The following TMPRSS6 variants were observed in gnomAD, a reference collection of about 807,000 sequenced individuals.
TMPRSS6 encodes transmembrane protease serine 6.
A neutral mutation model predicts 101.5 loss-of-function variants in TMPRSS6; 67 were observed. The observed-to-expected ratio is 0.66, with a 90% CI of 0.54 to 0.81. The LOEUF is 0.81. Among genes scored for constraint, TMPRSS6 ranks in the 30% least tolerant of loss-of-function variants. The pLI is 0.00. For missense variants in TMPRSS6, 1,034 were observed against 1,088.7 expected, an observed-to-expected ratio of 0.95 and a Z score of 0.71; for synonymous variants, 453 against 464.9, an observed-to-expected ratio of 0.97 and a Z score of 0.33.
intron 6 of TMPRSS6, among the ~76,000 whole-genome samples, chr22:37,095,342 C>T (rs796936825): frequency 2.5e-4 from 38 of 152,198 alleles, no homozygotes; most frequent in African/African-American, 7.7e-4. Context: ...CACAAATACA[C>T]GCATGCACGT....
chr22:37,089,688 G>A lies in TMPRSS6; in HGVS notation c.726C>T (p.Gly242=), dbSNP rs746470360. Reference sequence around the variant, plus strand: ...GGAGTTTGAGCATGAGGTCCTTGGGGCCCTGCAGGTGCCACAGGCAGCTGG... The same window carrying A: ...GGAGTTTGAGCATGAGGTCCTTGGGACCCTGCAGGTGCCACAGGCAGCTGG... The part of the protein sequence containing the change: ...LASSCLWHLQ[G]PKDLMLKLRL... Residue 242 remains glycine, a synonymous_variant, in exon 7 of 18, where the codon GGC becomes GGT. Coordinates refer to ENST00000676104, the MANE Select transcript of TMPRSS6 (RefSeq NM_001374504.1). 23 of 1,612,096 alleles carry A rather than the reference G, an allele frequency of 1.4e-5. No individual in the cohort carries two copies. Among genetic ancestry groups the A allele is most frequent in the Non-Finnish European group, 1.8e-5 (21 of 1,179,308 alleles).
At position 37,095,483 on chromosome 22, in the gene TMPRSS6, T is replaced by C. The variant is rs1339467445; in HGVS notation, c.631+68A>G. The C allele has an allele frequency of 9.5e-6, 15 of 1,580,536 alleles. No individual in the cohort carries two copies. In the Middle Eastern group the frequency reaches 6.7e-4, roughly 71 times the overall value. On this transcript the variant is annotated intron_variant, in intron 6 of 17. Coordinates refer to ENST00000676104, the MANE Select transcript of TMPRSS6 (RefSeq NM_001374504.1). ...CAACAGAAGCCATGTGTCCCCCTGATACACAACAAAGTCAAGACAAATGCC... is the reference window on the plus strand; with the variant it reads ...CAACAGAAGCCATGTGTCCCCCTGACACACAACAAAGTCAAGACAAATGCC...
intron 4 of TMPRSS6, 106 bp from the exon 5 acceptor site, chr22:37,096,196 T>C: frequency 7.7e-7 from 1 of 1,304,870 alleles, no homozygotes; most frequent in Non-Finnish European, 1.1e-6. Context: ...CAGCCATTGC[T>C]GTCCGTCTTC....
intron 1 of TMPRSS6, among the ~76,000 whole-genome samples, chr22:37,104,791 T>C (rs1217649235): frequency 1.3e-5 from 2 of 151,932 alleles, no homozygotes; most frequent in Non-Finnish European, 2.9e-5. Context: ...TGAAACCCTG[T>C]CACTATGAAA....
intron 6 of TMPRSS6, among the ~76,000 whole-genome samples, chr22:37,090,338 C>T (rs2146128076): frequency 6.6e-6 from 1 of 152,342 alleles, no homozygotes; most frequent in South Asian, 2.1e-4. Context: ...CAAGGCTGGA[C>T]ATGGGCTGGC....
At position 37,103,610 on chromosome 22, in the gene TMPRSS6, G is replaced by C; in HGVS notation, c.-1-192C>G. 1.2e-6 allele frequency: 2 copies of C among 1,602,680 alleles called. No homozygotes were observed. The highest frequency in any genetic ancestry group is 1.7e-4 in the Middle Eastern group (1 of 6,044). Reference sequence around the variant, plus strand: ...AGGGAAGTGCATCTCAGGTCAGCTCGCACCAGAGGGCAGGCACCAGAGCTG... The same window carrying C: ...AGGGAAGTGCATCTCAGGTCAGCTCCCACCAGAGGGCAGGCACCAGAGCTG... On this transcript the variant is annotated intron_variant, in intron 1 of 17. Coordinates refer to ENST00000676104, the MANE Select transcript of TMPRSS6 (RefSeq NM_001374504.1). This position sits in a 1 kb window ranked among gnomAD's most constrained non-coding sequence, Gnocchi z 4.4.
chr22:37,084,064 T>G (rs1440748873), intron 10 of TMPRSS6: 1 of 601,598 alleles, frequency 1.7e-6, no homozygotes, highest in Non-Finnish European at 3.0e-6. Context: ...TGACCAAACG[T>G]GTCTGAGACC....
chr22:37,070,692 G>A (rs1221487658), intron 14 of TMPRSS6, 40 bp from the exon 15 acceptor site: 2 of 1,593,192 alleles, frequency 1.3e-6, no homozygotes, highest in Non-Finnish European at 1.7e-6. Flanking sequence ...CAGAGGAGGA[G>A]GGGAAGGGGA....
At chr22:37,088,605 A>AC (rs927132125) in intron 7 of TMPRSS6, among the ~76,000 whole-genome samples, 4 of 143,662 alleles carry the variant, frequency 2.8e-5, no homozygotes, top group Non-Finnish European at 6.1e-5. Flanking sequence ...CCTCCTCCCC[A>AC]CCCCCAACCA....
chr22:37,084,507 G>A, intron 9 of TMPRSS6, 103 bp from the exon 10 acceptor site: 1 of 948,282 alleles, frequency 1.1e-6, no homozygotes, highest in Non-Finnish European at 1.7e-6. Context: ...ATCCCAGGTG[G>A]GGCTAAAGTC....
Position 37,084,418 on chromosome 22 carries a change from G to T in TMPRSS6, c.1087-14C>A, listed in dbSNP as rs375628093. ...CAGAGAGGGCACCTGGGAGGGAGGA[G>T]CGGGCCATCAGGTGGCCCATGGGGT... On this transcript the variant is annotated splice_polypyrimidine_tract_variant and intron_variant, in intron 9 of 17. Transcript: ENST00000676104. 6.2e-7 allele frequency: 1 copy of T among 1,601,688 alleles called. No homozygotes were observed. Among genetic ancestry groups the T allele is most frequent in the Non-Finnish European group, 8.5e-7 (1 of 1,172,432 alleles).
intron 17 of TMPRSS6, 43 bp downstream of exon 17, chr22:37,066,783 T>C: frequency 6.2e-7 from 1 of 1,613,678 alleles, no homozygotes; most frequent in East Asian, 2.2e-5. Context: ...GTGGGCAGCA[T>C]CCTTTCTCCC....
chr22:37,095,640 A>AAG (rs1929685429), intron 5 of TMPRSS6, 48 bp from the exon 6 acceptor site: 1 of 1,529,530 alleles, frequency 6.5e-7, no homozygotes, highest in African/African-American at 1.4e-5. Context: ...AAAAAAAAAA[A>AAG]AAAAGAAAAG....
intron 2 of TMPRSS6, among the ~76,000 whole-genome samples, chr22:37,100,282 G>A (rs1477737541): frequency 2.0e-5 from 3 of 152,248 alleles, no homozygotes; most frequent in African/African-American, 7.2e-5. Flanking sequence ...GAGGTTTTAA[G>A]CAGCGAAGTT....
intron 10 of TMPRSS6, among the ~76,000 whole-genome samples, chr22:37,078,722 G>C (rs1426418942): frequency 6.7e-6 from 1 of 148,916 alleles, no homozygotes; most frequent in Non-Finnish European, 1.5e-5. Flanking sequence ...GGAGGCGGAG[G>C]AGAAGAAGAA....
chr22:37,094,026 T>TAC (rs899351667), intron 6 of TMPRSS6, among the ~76,000 whole-genome samples: 2 of 151,796 alleles, frequency 1.3e-5, no homozygotes, highest in African/African-American at 4.9e-5. Context: ...CTGTTATATA[T>TAC]ATATATATGT....
At chr22:37,070,378 A>AC in intron 15 of TMPRSS6, 106 bp downstream of exon 15, 1 of 1,422,876 alleles carries the variant, frequency 7.0e-7, no homozygotes, top group South Asian at 1.2e-5. Context: ...TGGGGGGTCC[A>AC]CCACCCTTCC....
intron 10 of TMPRSS6, among the ~76,000 whole-genome samples, chr22:37,083,356 C>T (rs1315014521): frequency 6.6e-6 from 1 of 152,188 alleles, no homozygotes; most frequent in Non-Finnish European, 1.5e-5. Context: ...CTCCCTCTCC[C>T]CTTGCCCACC....
At chr22:37,084,978 CT>C in intron 8 of TMPRSS6, 139 bp from the exon 9 acceptor site, 1 of 694,992 alleles carries the variant, frequency 1.4e-6, no homozygotes, top group Non-Finnish European at 2.6e-6. Flanking sequence ...GAATCTGGGT[CT>C]CAGTTTCCTC....
Sources: allele counts gnomAD v4.1 joint callset (sites outside exome capture counted in the v4.1 genomes callset), GRCh38; gene constraint gnomAD v4.1.1; non-coding constraint Gnocchi (gnomAD v3.1); transcripts MANE v1.5; gene names NCBI Gene and HGNC (gene_info 2026-07-23, HGNC 2026-07-21).